Variants in LRRIQ4 observed in about 807,000 individuals in gnomAD.
LRRIQ4 encodes leucine-rich repeat and IQ domain-containing protein 4.
In LRRIQ4, 21 loss-of-function variants were observed where a neutral mutation model predicts 40.1. That is an observed-to-expected ratio of 0.52 (90% CI 0.37 to 0.75). LRRIQ4 has a LOEUF of 0.75. LRRIQ4 is among the 30% of genes least tolerant of loss of function. The pLI is 0.00. For missense variants in LRRIQ4, 655 were observed against 660.0 expected (o/e 0.99, Z 0.08); for synonymous variants, 277 against 277.1 (o/e 1.00, Z 0.00).
intron 1 of LRRIQ4, among the ~76,000 whole-genome samples, chr3:169,814,501 T>G (rs9872368): frequency 6.8e-6 from 1 of 146,274 alleles, no homozygotes; most frequent in African/African-American, 2.5e-5. Flanking sequence ...TTGTTTGTTT[T>G]TTGAGACAGA....
intron 1 of LRRIQ4, 27 bp from the exon 2 acceptor site, chr3:169,821,864 T>G (rs890713553): frequency 6.9e-5 from 87 of 1,255,712 alleles, no homozygotes; most frequent in Admixed American, 6.7e-4. Context: ...AATTCTATTT[T>G]TTTTCATCCT....
intron 1 of LRRIQ4, among the ~76,000 whole-genome samples, chr3:169,817,304 T>C (rs1156874359): frequency 1.3e-5 from 2 of 152,250 alleles, no homozygotes; most frequent in African/African-American, 2.4e-5. Flanking sequence ...AGATACTTAA[T>C]ATGATTTTGA....
intron 4 of LRRIQ4, among the ~76,000 whole-genome samples, chr3:169,831,504 G>A (rs1199756692): frequency 9.0e-6 from 1 of 110,712 alleles, no homozygotes; most frequent in Non-Finnish European, 1.7e-5. Context: ...GGGTTTCACT[G>A]TGTTAGCCAG....
chr3:169,825,161 C>G (rs1434171030), intron 2 of LRRIQ4, among the ~76,000 whole-genome samples: 1 of 151,856 alleles, frequency 6.6e-6, no homozygotes, highest in Non-Finnish European at 1.5e-5. Flanking sequence ...GTGCCTGCCA[C>G]CACGCCCGGC....
intron 4 of LRRIQ4, among the ~76,000 whole-genome samples, chr3:169,831,579 G>A (rs1457949638): frequency 1.4e-5 from 2 of 145,270 alleles, no homozygotes; most frequent in African/African-American, 5.1e-5. Context: ...TGGAATTACA[G>A]GCGTGAGCCA....
At chr3:169,813,886 C>A (rs1334672865) in intron 1 of LRRIQ4, among the ~76,000 whole-genome samples, 1 of 152,134 alleles carries the variant, frequency 6.6e-6, no homozygotes, top group East Asian at 1.9e-4. Flanking sequence ...GCTGCTCAAA[C>A]CTCTAGGGGG....
At chr3:169,825,962 C>T (rs1184478649) in intron 2 of LRRIQ4, among the ~76,000 whole-genome samples, 3 of 152,196 alleles carry the variant, frequency 2.0e-5, no homozygotes, top group Admixed American at 6.5e-5. Context: ...TCTCTCCCTC[C>T]CCAAAGACTC....
intron 5 of LRRIQ4, among the ~76,000 whole-genome samples, chr3:169,835,602 T>G (rs1780287593): frequency 6.6e-6 from 1 of 152,100 alleles, no homozygotes; most frequent in South Asian, 2.1e-4. Context: ...TGCACACTGT[T>G]GGAAAGGCTT....
intron 5 of LRRIQ4, 80 bp downstream of exon 5, chr3:169,833,263 G>A: frequency 8.2e-7 from 1 of 1,212,500 alleles, no homozygotes; most frequent in Non-Finnish European, 1.2e-6. Flanking sequence ...ATCCTACGGA[G>A]CAACTCCTTA....
chr3:169,831,208 T>C (rs951704902), intron 4 of LRRIQ4, among the ~76,000 whole-genome samples: 6 of 146,914 alleles, frequency 4.1e-5, no homozygotes, highest in East Asian at 4.4e-4. Flanking sequence ...AAATGTTTCT[T>C]TTTTTTTTTC....
intron 1 of LRRIQ4, among the ~76,000 whole-genome samples, chr3:169,813,926 G>C (rs766560288): frequency 6.6e-6 from 1 of 152,140 alleles, no homozygotes; most frequent in Non-Finnish European, 1.5e-5. Flanking sequence ...TGTGGGGCAC[G>C]TGGGCTCCGA....
chr3:169,820,082 A>G (rs1779845367), intron 1 of LRRIQ4, among the ~76,000 whole-genome samples: 1 of 152,200 alleles, frequency 6.6e-6, no homozygotes, highest in Non-Finnish European at 1.5e-5. Context: ...AGTATTATGT[A>G]TGGGGCTAGA....
chr3:169,817,857 C>T (rs924584526), intron 1 of LRRIQ4, among the ~76,000 whole-genome samples: 13 of 152,048 alleles, frequency 8.5e-5, no homozygotes, highest in Non-Finnish European at 1.6e-4. Context: ...GGCCACAGAT[C>T]GATCATTGGG....
At chr3:169,820,724 G>A (rs995627787) in intron 1 of LRRIQ4, among the ~76,000 whole-genome samples, 2 of 152,056 alleles carry the variant, frequency 1.3e-5, no homozygotes, top group African/African-American at 4.8e-5. Context: ...TCTGGGTTGG[G>A]CTTTAGTTCA....
In LRRIQ4 at chr3:169,837,485, G is replaced by T. The variant is rs200900869; in HGVS notation, c.1537G>T (p.Ala513Ser). 567 of 1,604,936 alleles carry T rather than the reference G, an allele frequency of 3.5e-4. 5 individuals are homozygous for T. In the Middle Eastern group the frequency reaches 0.015, roughly 43 times the overall value. The change falls in exon 6 of 6, where the codon GCA (alanine) becomes TCA (serine). Residue 513 changes from alanine (A) to serine (S), a missense_variant. By Grantham distance (99) the Ala-to-Ser change is moderately conservative (BLOSUM62 1). Transcript: ENST00000340806. ...NRNIMATKIQ[A>S]WWRGTMVQRG... ...GGGTTTATCTTGTTTTCAGATTCAG[G>T]CATGGTGGCGTGGAACAATGGTACA...
At chr3:169,819,989 A>T (rs1326826615) in intron 1 of LRRIQ4, among the ~76,000 whole-genome samples, 1 of 152,222 alleles carries the variant, frequency 6.6e-6, no homozygotes, top group Non-Finnish European at 1.5e-5. Flanking sequence ...TTCTTTAAAT[A>T]ACATTGTCTC....
chr3:169,816,428 T>C (rs975312615), intron 1 of LRRIQ4, among the ~76,000 whole-genome samples: 2 of 152,118 alleles, frequency 1.3e-5, no homozygotes, highest in Admixed American at 1.3e-4. Context: ...TTCTTCTAGG[T>C]TTCCCAATGT....
chr3:169,835,729 G>A (rs574232617), intron 5 of LRRIQ4, among the ~76,000 whole-genome samples: 1 of 152,218 alleles, frequency 6.6e-6, no homozygotes, highest in South Asian at 2.1e-4. Flanking sequence ...ATCCCGATTG[G>A]TCTGCTGTTT....
intron 4 of LRRIQ4, 147 bp downstream of exon 4, chr3:169,830,777 G>A (rs1455000103): frequency 2.3e-5 from 22 of 945,500 alleles, no homozygotes; most frequent in South Asian, 2.1e-4. Flanking sequence ...CTCACTTAGC[G>A]ACATGGGGGA....
Sources: gnomAD v4.1 joint callset for allele counts (sites outside exome capture counted in the v4.1 genomes callset) on GRCh38, gnomAD v4.1.1 for gene constraint, MANE v1.5 for transcripts, NCBI Gene and HGNC (gene_info 2026-07-23, HGNC 2026-07-21) for gene names.